ZNF804A: variants seen among roughly 807,000 people sequenced by gnomAD.
The protein encoded by ZNF804A is zinc finger protein 804A.
Under a neutral mutation model 16.5 loss-of-function variants are expected in ZNF804A, and 2 were observed. That is an observed-to-expected ratio of 0.12 (90% CI 0.05 to 0.38). The LOEUF (loss-of-function observed/expected upper bound fraction) is 0.38, where lower values mean the gene tolerates loss of function less well. ZNF804A is among the 10% of genes least tolerant of loss of function. The pLI, the probability that ZNF804A is intolerant of heterozygous loss-of-function variation, is 0.99. For synonymous variants in ZNF804A, 534 were observed against 489.6 expected, an observed-to-expected ratio of 1.09 and a Z score of -1.20; for missense variants, 1,473 against 1,390.7, an observed-to-expected ratio of 1.06 and a Z score of -0.94.
chr2:184,807,559 C>T lies in ZNF804A; in HGVS notation c.112-58810C>T, dbSNP rs73043263. 6.7e-3 allele frequency among the ~76,000 whole-genome samples: 1,012 copies of T among 151,856 alleles called. 5 individuals are homozygous for T. Among genetic ancestry groups the T allele is most frequent in the African/African-American group, 0.022 (916 of 41,550 alleles). On this transcript the variant is annotated intron_variant, in intron 1 of 3. Transcript: ENST00000302277. ...GTCTTCAAAATCAGGAATAAAGCACCTGTCTAATTATCTGCAGTGATGGAA... is the reference window on the plus strand; with the variant it reads ...GTCTTCAAAATCAGGAATAAAGCACTTGTCTAATTATCTGCAGTGATGGAA...
At position 184,780,970 on chromosome 2, in the gene ZNF804A, T is replaced by C. The variant is rs555455350; in HGVS notation, c.112-85399T>C. On this transcript the variant is annotated intron_variant, in intron 1 of 3. Transcript: ENST00000302277. ...AGTAACCTGTGTCCTTTATAGAGAA[T>C]AGCAGCAACTTAGAGGTAAATTCCA... Among the ~76,000 whole-genome samples, 207 of 151,844 alleles carry C rather than the reference T, an allele frequency of 1.4e-3. 1 individual carries two copies. Among genetic ancestry groups the C allele is most frequent in the Non-Finnish European group, 2.3e-3 (159 of 67,812 alleles).
chr2:184,811,463 G>A lies in ZNF804A; in HGVS notation c.112-54906G>A, dbSNP rs1444300834. On this transcript the variant is annotated intron_variant, in intron 1 of 3. Coordinates refer to ENST00000302277, the MANE Select transcript of ZNF804A (RefSeq NM_194250.2). ...TATTAGTATCATTATTAGATACCTA[G>A]GATAGAACTTTCTTTTATTTCCTTT... Among the ~76,000 whole-genome samples the A allele has an allele frequency of 6.8e-5, 9 of 131,434 alleles. No individual in the cohort carries two copies. In the East Asian group the frequency reaches 2.0e-3, roughly 30 times the overall value. 86.2% of individuals were successfully genotyped at this position (131,434 alleles called of 152,430 possible). A position where few individuals can be genotyped will look rare whatever the true frequency, so the allele number is the denominator to read the frequency against.
intron 1 of ZNF804A, among the ~76,000 whole-genome samples, chr2:184,798,723 C>A (rs1051424188): frequency 1.3e-5 from 2 of 152,104 alleles, no homozygotes; most frequent in Non-Finnish European, 2.9e-5. Context: ...CTCCTGAATT[C>A]TTTCTCAGAT....
intron 1 of ZNF804A, among the ~76,000 whole-genome samples, chr2:184,721,818 G>A (rs1431732728): frequency 6.6e-6 from 1 of 151,988 alleles, no homozygotes; most frequent in Non-Finnish European, 1.5e-5. Context: ...ATTCAAAATA[G>A]CAAAGATACA....
At chr2:184,689,947 A>T (rs1314235821) in intron 1 of ZNF804A, among the ~76,000 whole-genome samples, 2 of 152,042 alleles carry the variant, frequency 1.3e-5, no homozygotes, top group East Asian at 3.8e-4. Context: ...TTTCCTTGGA[A>T]TTATATATGG....
rs919274829 is a variant in ZNF804A, at chr2:184,673,374, G to A, written c.111+74304G>A. On this transcript the variant is annotated intron_variant, in intron 1 of 3. Coordinates refer to ENST00000302277, the MANE Select transcript of ZNF804A (RefSeq NM_194250.2). Reference sequence around the variant, plus strand: ...CATATAGCTTTTGTCTTTAATTCATGTATCTGTGTTGCAATTCAAGTTACA... The same window carrying A: ...CATATAGCTTTTGTCTTTAATTCATATATCTGTGTTGCAATTCAAGTTACA... Among the ~76,000 whole-genome samples, 8 of 152,248 alleles carry A rather than the reference G, an allele frequency of 5.3e-5. No homozygotes were observed. The East Asian group carries it at 1.4e-3, about 26-fold the overall frequency.
chr2:184,805,198 A>C (rs147957797), intron 1 of ZNF804A, among the ~76,000 whole-genome samples: 142 of 152,268 alleles, frequency 9.3e-4, no homozygotes, highest in African/African-American at 3.3e-3. Flanking sequence ...AGGGTCTATC[A>C]TATTATTTTT....
At chr2:184,877,353 C>A (rs1247593097) in intron 2 of ZNF804A, among the ~76,000 whole-genome samples, 2 of 151,830 alleles carry the variant, frequency 1.3e-5, no homozygotes. Flanking sequence ...TTAGTAAGTT[C>A]AAAATTTTAA....
chr2:184,858,275 A>G (rs7589314), intron 1 of ZNF804A, among the ~76,000 whole-genome samples: 145,025 of 151,998 alleles, frequency 0.95, 69,234 homozygotes, highest in Middle Eastern at 0.99. Flanking sequence ...AGGCCGAGGC[A>G]GGTGGATCAC....
At position 184,878,563 on chromosome 2, in the gene ZNF804A, A is replaced by G. The variant is rs75878440; in HGVS notation, c.255+12051A>G. 9.0e-3 allele frequency among the ~76,000 whole-genome samples: 1,374 copies of G among 152,186 alleles called. 23 individuals are homozygous for G. Among genetic ancestry groups the G allele is most frequent in the African/African-American group, 0.032 (1,313 of 41,540 alleles). On this transcript the variant is annotated intron_variant, in intron 2 of 3. Coordinates refer to ENST00000302277, the MANE Select transcript of ZNF804A (RefSeq NM_194250.2). ...AAACAAAGAATATTTGGAAGGAGCA[A>G]GGATCATAAATAAGAAATTGAAGAT...
intron 1 of ZNF804A, among the ~76,000 whole-genome samples, chr2:184,731,251 CAAAAAAAA>C (rs563068533): frequency 3.1e-4 from 14 of 45,310 alleles, no homozygotes; most frequent in South Asian, 1.5e-3. Context: ...GGCTCCGTCG[CAAAAAAAA>C]AAAAAAAAAA....
chr2:184,626,202 G>GCAATTTTC lies in ZNF804A; in HGVS notation c.111+27140_111+27147dup, dbSNP rs1165866076. On this transcript the variant is annotated intron_variant, in intron 1 of 3. Coordinates refer to ENST00000302277, the MANE Select transcript of ZNF804A (RefSeq NM_194250.2). ...TAATATATAATACTTCTAGGACAGG[G>GCAATTTTC]CAATTTTCCAATTTTTCTTTGTAAT... is the stretch of plus-strand genomic sequence containing the variant. 3.3e-5 allele frequency among the ~76,000 whole-genome samples: 5 copies of GCAATTTTC among 152,102 alleles called. No individual in the cohort carries two copies. In the South Asian group the frequency reaches 1.0e-3, roughly 32 times the overall value.
At chr2:184,622,322 AT>A (rs1691432892) in intron 1 of ZNF804A, among the ~76,000 whole-genome samples, 1 of 151,778 alleles carries the variant, frequency 6.6e-6, no homozygotes, top group South Asian at 2.1e-4. Flanking sequence ...CACAGTGTGA[AT>A]TTATGGTTTT....
At chr2:184,914,496 T>C (rs1327486650) in intron 2 of ZNF804A, among the ~76,000 whole-genome samples, 2 of 152,160 alleles carry the variant, frequency 1.3e-5, no homozygotes, top group East Asian at 1.9e-4. Flanking sequence ...CCAAAAGCAA[T>C]TTGAAGTTAT....
chr2:184,656,157 T>C (rs1193708803), intron 1 of ZNF804A, among the ~76,000 whole-genome samples: 1 of 152,190 alleles, frequency 6.6e-6, no homozygotes, highest in African/African-American at 2.4e-5. Context: ...GAGTGGCATT[T>C]ATGGTATGTG....
chr2:184,856,070 C>T lies in ZNF804A; in HGVS notation c.112-10299C>T, dbSNP rs529050399. Among the ~76,000 whole-genome samples, 5 of 152,068 alleles carry T rather than the reference C, an allele frequency of 3.3e-5. No individual in the cohort carries two copies. The South Asian group carries it at 1.0e-3, about 32-fold the overall frequency. ...AATAATAATAGTAACAATCAAAATG[C>T]TGTTGTTAATAGTGCAGAACAAGCT... On this transcript the variant is annotated intron_variant, in intron 1 of 3. Coordinates refer to ENST00000302277, the MANE Select transcript of ZNF804A (RefSeq NM_194250.2).
At chr2:184,883,782 G>C (rs1684845857) in intron 2 of ZNF804A, among the ~76,000 whole-genome samples, 1 of 151,896 alleles carries the variant, frequency 6.6e-6, no homozygotes. Context: ...CAACAAACCA[G>C]GAATTGAAGG....
intron 1 of ZNF804A, among the ~76,000 whole-genome samples, chr2:184,706,981 T>C (rs1693040552): frequency 6.6e-6 from 1 of 152,166 alleles, no homozygotes; most frequent in South Asian, 2.1e-4. Context: ...CAGGAGTCCT[T>C]ATGTGCCACA....
At chr2:184,853,695 T>G (rs186399306) in intron 1 of ZNF804A, among the ~76,000 whole-genome samples, 42 of 151,964 alleles carry the variant, frequency 2.8e-4, no homozygotes, top group Non-Finnish European at 5.2e-4. Context: ...GTGTGTCATA[T>G]TTATAGATTT....
Sources: gnomAD v4.1 joint callset for allele counts (sites outside exome capture counted in the v4.1 genomes callset) on GRCh38, gnomAD v4.1.1 for gene constraint, MANE v1.5 for transcripts, NCBI Gene and HGNC (gene_info 2026-07-23, HGNC 2026-07-21) for gene names.